The following SEMA3C variants were observed in gnomAD, a reference collection of about 807,000 sequenced individuals.
SEMA3C encodes semaphorin 3C, also known as semaphorin-3C.
SEMA3C carries 47 observed loss-of-function variants against 89.4 expected under a neutral mutation model. That is an observed-to-expected ratio of 0.53 (90% CI 0.42 to 0.67). The LOEUF (loss-of-function observed/expected upper bound fraction) is 0.67, where lower values mean the gene tolerates loss of function less well. Among genes scored for constraint, SEMA3C ranks in the 30% least tolerant of loss-of-function variants. SEMA3C has a pLI of 0.00. For missense variants in SEMA3C, 839 were observed against 929.1 expected (o/e 0.90, Z 1.26); for synonymous variants, 310 against 320.2 (o/e 0.97, Z 0.34).
intron 2 of SEMA3C, among the ~76,000 whole-genome samples, chr7:80,879,621 T>C (rs922876394): frequency 6.6e-6 from 1 of 152,228 alleles, no homozygotes; most frequent in Non-Finnish European, 1.5e-5. Flanking sequence ...GAGTCTATGT[T>C]ACAGCCTGCA....
At chr7:80,870,365 T>C (rs1245310273) in intron 2 of SEMA3C, among the ~76,000 whole-genome samples, 2 of 152,226 alleles carry the variant, frequency 1.3e-5, no homozygotes, top group East Asian at 1.9e-4. Context: ...AGCACATCCA[T>C]TTGTTAAACA....
intron 2 of SEMA3C, among the ~76,000 whole-genome samples, chr7:80,833,951 A>G (rs958273747): frequency 9.9e-5 from 15 of 152,194 alleles, no homozygotes; most frequent in African/African-American, 3.6e-4. Context: ...ACAGTGAGAG[A>G]AAAACATTAC....
chr7:80,822,970 G>C (rs868488100), intron 4 of SEMA3C, among the ~76,000 whole-genome samples: 1 of 152,088 alleles, frequency 6.6e-6, no homozygotes. Flanking sequence ...AGACTTCAGC[G>C]GAAATAAATA....
Position 80,744,419 on chromosome 7 carries a change from C to CT in SEMA3C, c.*474dup, listed in dbSNP as rs1456943377. 6.5e-6 allele frequency: 1 copy of CT among 153,892 alleles called. No individual in the cohort carries two copies. The highest frequency in any genetic ancestry group is 1.4e-5 in the Non-Finnish European group (1 of 69,394). The allele number at this position is 153,892 out of a possible 1,614,324, so 9.5% of individuals were successfully genotyped here. On this transcript the variant is annotated 3_prime_UTR_variant, in exon 18 of 18. Coordinates refer to ENST00000265361, the MANE Select transcript of SEMA3C (RefSeq NM_006379.5). ...TTATACAACTTTAAATGCTGTCTTC[C>CT]TTTTCTATTTCTTTTGATAGCCATT...
chr7:80,773,790 T>C (rs1788486537), intron 12 of SEMA3C, among the ~76,000 whole-genome samples: 1 of 152,146 alleles, frequency 6.6e-6, no homozygotes, highest in Admixed American at 6.5e-5. Flanking sequence ...GTGGAAACAC[T>C]CTGTGAGTCT....
intron 2 of SEMA3C, among the ~76,000 whole-genome samples, chr7:80,896,465 T>C (rs1234711134): frequency 6.6e-6 from 1 of 152,186 alleles, no homozygotes; most frequent in Non-Finnish European, 1.5e-5. Flanking sequence ...TCAGATTACC[T>C]TTAAAGAGAA....
intron 12 of SEMA3C, among the ~76,000 whole-genome samples, chr7:80,773,357 T>C (rs375191549): frequency 6.6e-6 from 1 of 151,950 alleles, no homozygotes; most frequent in African/African-American, 2.4e-5. Context: ...AAGCCCAGAG[T>C]TGGCATAGAA....
In SEMA3C at chr7:80,849,445, T is replaced by TCCACC. The variant is rs1554379870; in HGVS notation, c.104-20701_104-20700insGGTGG. ...TAAACTGATCAACTATAAGTTTCTT[T>TCCACC]TATCATTATCTCTATTTCATGCATA... On this transcript the variant is annotated intron_variant, in intron 2 of 17. Transcript: ENST00000265361. Among the ~76,000 whole-genome samples, 308 of 151,866 alleles carry TCCACC rather than the reference T, an allele frequency of 2.0e-3. 3 individuals are homozygous for TCCACC. The East Asian group carries it at 0.023, about 11-fold the overall frequency.
intron 15 of SEMA3C, among the ~76,000 whole-genome samples, chr7:80,754,235 C>CA (rs1788003616): frequency 6.6e-6 from 1 of 152,014 alleles, no homozygotes; most frequent in Non-Finnish European, 1.5e-5. Flanking sequence ...CTGCGCCCGG[C>CA]ATGTTTACTA....
intron 2 of SEMA3C, among the ~76,000 whole-genome samples, chr7:80,863,339 T>TAAA (rs61621477): frequency 1.6e-5 from 2 of 128,150 alleles, no homozygotes; most frequent in Non-Finnish European, 3.4e-5. Flanking sequence ...ATCAAAATAT[T>TAAA]AAAAAAAAAA....
At chr7:80,879,076 T>C (rs1791268804) in intron 2 of SEMA3C, among the ~76,000 whole-genome samples, 1 of 151,890 alleles carries the variant, frequency 6.6e-6, no homozygotes, top group Non-Finnish European at 1.5e-5. Context: ...AGAACCCCAA[T>C]TGTAGAGGCC....
rs759196608 is a variant in SEMA3C at position 80,758,460 on chromosome 7, C to A, written c.1514G>T (p.Gly505Val). The part of the protein sequence containing the change: ...KQQLYVSSNE[G>V]VSQVSLHRCH... ...GCGGTGCAGAGATACCTGGGAAACCCCTTCATTGGAACTCACATACAACTG... is the reference window on the plus strand; with the variant it reads ...GCGGTGCAGAGATACCTGGGAAACCACTTCATTGGAACTCACATACAACTG... Residue 505 changes from glycine (G) to valine (V), a missense_variant, in exon 15 of 18, where the codon GGG (glycine) becomes GTG (valine). Physicochemically the swap from Gly to Val is moderately radical, Grantham distance 109. Transcript: ENST00000265361. The A allele has an allele frequency of 6.2e-6, 10 of 1,613,694 alleles. No individual in the cohort carries two copies. Among genetic ancestry groups the A allele is most frequent in the Non-Finnish European group, 6.8e-6 (8 of 1,179,812 alleles).
At chr7:80,822,738 C>T (rs1789784140) in intron 4 of SEMA3C, among the ~76,000 whole-genome samples, 1 of 152,292 alleles carries the variant, frequency 6.6e-6, no homozygotes, top group Non-Finnish European at 1.5e-5. Flanking sequence ...AATGGTAATA[C>T]TTGTCATGGA....
At chr7:80,810,578 T>C in intron 6 of SEMA3C, 33 bp downstream of exon 6, 1 of 1,550,180 alleles carries the variant, frequency 6.5e-7, no homozygotes, top group Non-Finnish European at 8.9e-7. Context: ...TGTTATTTTA[T>C]GTTTAATCCT....
At chr7:80,830,328 TTTAA>T (rs1240863161) in intron 2 of SEMA3C, among the ~76,000 whole-genome samples, 8 of 152,284 alleles carry the variant, frequency 5.3e-5, no homozygotes, top group African/African-American at 1.4e-4. Flanking sequence ...TGGAAATCAA[TTTAA>T]TTGACACATA....
chr7:80,876,896 C>G (rs1377503163), intron 2 of SEMA3C, among the ~76,000 whole-genome samples: 1 of 152,186 alleles, frequency 6.6e-6, no homozygotes, highest in East Asian at 1.9e-4. Flanking sequence ...TTTCTCTGCT[C>G]TTTCCATCAC....
At chr7:80,767,742 C>T (rs921077988) in intron 12 of SEMA3C, among the ~76,000 whole-genome samples, 1 of 152,030 alleles carries the variant, frequency 6.6e-6, no homozygotes, top group Non-Finnish European at 1.5e-5. Context: ...TTAACTTGAA[C>T]TGAATTGTAC....
intron 2 of SEMA3C, among the ~76,000 whole-genome samples, chr7:80,859,907 G>A (rs1479361908): frequency 6.6e-6 from 1 of 151,936 alleles, no homozygotes; most frequent in African/African-American, 2.4e-5. Context: ...TTGTAAGTCT[G>A]CTAGACACTA....
chr7:80,819,186 T>C (rs1490676799), intron 4 of SEMA3C, among the ~76,000 whole-genome samples: 1 of 150,138 alleles, frequency 6.7e-6, no homozygotes, highest in Admixed American at 6.6e-5. Context: ...TCCTTTCTGC[T>C]CCATTTTTTT....
Sources: allele counts gnomAD v4.1 joint callset (sites outside exome capture counted in the v4.1 genomes callset), GRCh38; gene constraint gnomAD v4.1.1; transcripts MANE v1.5; gene names NCBI Gene and HGNC (gene_info 2026-07-23, HGNC 2026-07-21).